Variants in CRPPA observed in about 807,000 individuals in gnomAD.
CRPPA encodes CDP-L-ribitol pyrophosphorylase A.
Under a neutral mutation model 52.0 loss-of-function variants are expected in CRPPA, and 43 were observed. That is an observed-to-expected ratio of 0.83 (90% CI 0.65 to 1.07). The LOEUF is 1.07. Ranked by LOEUF, CRPPA falls within the 50% of genes least tolerant of loss-of-function variation. CRPPA has a pLI of 0.00. For missense variants in CRPPA, 629 were observed against 551.7 expected (o/e 1.14, Z -1.40); for synonymous variants, 250 against 203.5 (o/e 1.23, Z -1.94).
At chr7:16,258,367 A>G in intron 8 of CRPPA, 23 bp downstream of exon 8, 2 of 1,449,944 alleles carry the variant, frequency 1.4e-6, no homozygotes, top group Non-Finnish European at 1.9e-6. Flanking sequence ...AGTTTGAGAA[A>G]AATCTGCATT....
intron 9 of CRPPA, among the ~76,000 whole-genome samples, chr7:16,149,324 C>T (rs573517118): frequency 1.3e-5 from 2 of 152,248 alleles, no homozygotes; most frequent in Non-Finnish European, 2.9e-5. Context: ...ATAGTGAGGA[C>T]GTTGAAACAT....
At chr7:16,179,301 C>G (rs1781365305) in intron 9 of CRPPA, among the ~76,000 whole-genome samples, 1 of 151,968 alleles carries the variant, frequency 6.6e-6, no homozygotes, top group South Asian at 2.1e-4. Context: ...AAATGATAGA[C>G]AAAATAAAGC....
chr7:16,114,116 T>A (rs1322357075), intron 9 of CRPPA, among the ~76,000 whole-genome samples: 1 of 151,716 alleles, frequency 6.6e-6, no homozygotes, highest in African/African-American at 2.4e-5. Flanking sequence ...TTCAAATAAA[T>A]GGGCAAAGAA....
At chr7:16,405,623 T>G (rs1787934552) in intron 2 of CRPPA, among the ~76,000 whole-genome samples, 2 of 152,306 alleles carry the variant, frequency 1.3e-5, no homozygotes, top group East Asian at 3.9e-4. Context: ...AATTGTCATC[T>G]CAAGATGATT....
chr7:16,407,213 G>C (rs2128318630), intron 1 of CRPPA, among the ~76,000 whole-genome samples: 1 of 152,102 alleles, frequency 6.6e-6, no homozygotes, highest in East Asian at 1.9e-4. Flanking sequence ...CCTGACCTCA[G>C]GTGACCCACC....
intron 8 of CRPPA, among the ~76,000 whole-genome samples, chr7:16,232,783 T>C (rs944279708): frequency 6.6e-6 from 1 of 152,084 alleles, no homozygotes; most frequent in African/African-American, 2.4e-5. Context: ...TACAAAAACA[T>C]CCATCACCTA....
intron 9 of CRPPA, among the ~76,000 whole-genome samples, chr7:16,119,378 GA>G (rs35959635): frequency 2.2e-5 from 3 of 138,850 alleles, no homozygotes; most frequent in South Asian, 2.3e-4. Context: ...CTAAAAATCT[GA>G]AAAAAAAATT....
chr7:16,139,569 T>G (rs1005398059), intron 9 of CRPPA, among the ~76,000 whole-genome samples: 2 of 152,196 alleles, frequency 1.3e-5, no homozygotes, highest in Non-Finnish European at 2.9e-5. Flanking sequence ...TGATTAATTT[T>G]AATGTTAAAA....
intron 8 of CRPPA, among the ~76,000 whole-genome samples, chr7:16,216,985 G>T (rs1479648525): frequency 6.6e-6 from 1 of 152,070 alleles, no homozygotes; most frequent in African/African-American, 2.4e-5. Context: ...ACCTCTGGGG[G>T]CAGGGCACAG....
intron 1 of CRPPA, among the ~76,000 whole-genome samples, chr7:16,418,568 G>A (rs939017388): frequency 1.3e-5 from 2 of 152,134 alleles, no homozygotes; most frequent in Non-Finnish European, 2.9e-5. Flanking sequence ...GAAGGGAAAG[G>A]AAGGTGCCTT....
At chr7:16,273,901 C>A (rs1784147844) in intron 6 of CRPPA, among the ~76,000 whole-genome samples, 1 of 152,188 alleles carries the variant, frequency 6.6e-6, no homozygotes, top group African/African-American at 2.4e-5. Flanking sequence ...CACCTGCATG[C>A]TCCCTGTCCC....
chr7:16,250,492 C>T (rs1386304735), intron 8 of CRPPA, among the ~76,000 whole-genome samples: 1 of 152,130 alleles, frequency 6.6e-6, no homozygotes, highest in South Asian at 2.1e-4. Flanking sequence ...AGGTTACCCA[C>T]AAAGGGAAGC....
chr7:16,167,532 T>C (rs1023333043), intron 9 of CRPPA, among the ~76,000 whole-genome samples: 6 of 152,196 alleles, frequency 3.9e-5, no homozygotes, highest in Non-Finnish European at 8.8e-5. Flanking sequence ...AATTGCCAGG[T>C]CCATTTCTTA....
chr7:16,176,529 TG>T (rs1583409577), intron 9 of CRPPA, among the ~76,000 whole-genome samples: 2 of 152,294 alleles, frequency 1.3e-5, no homozygotes, highest in East Asian at 3.9e-4. Flanking sequence ...TAAGTGCTAT[TG>T]TAGGCATGAA....
At chr7:16,298,022 G>T (rs372427656) in intron 5 of CRPPA, among the ~76,000 whole-genome samples, 9 of 152,212 alleles carry the variant, frequency 5.9e-5, no homozygotes, top group African/African-American at 1.9e-4. Context: ...CTCATAGTAT[G>T]CTATATGCTC....
At chr7:16,284,766 A>G (rs1784389459) in intron 5 of CRPPA, among the ~76,000 whole-genome samples, 1 of 152,124 alleles carries the variant, frequency 6.6e-6, no homozygotes, top group African/African-American at 2.4e-5. Flanking sequence ...ATTTTATGCA[A>G]TTGCTACTGA....
rs764542382 is a variant in CRPPA, at chr7:16,406,234, C to A, written c.361G>T (p.Glu121Ter). ...GACCTGTGGCGGGTCACTCCAGCTT[C>A]GACCAGTGAGATGCGTTTATGCTGA... ...KYQHKRISLV[E>*]AGVTRHRSIF... Residue 121 changes from glutamate (E) to a stop codon, truncating the protein, a stop_gained, in exon 2 of 10, where the codon GAA becomes TAA. Coordinates refer to ENST00000407010, the MANE Select transcript of CRPPA (RefSeq NM_001101426.4). LOFTEE classifies it high-confidence loss of function. 6.2e-7 allele frequency: 1 copy of A among 1,613,966 alleles called. No homozygotes were observed. Among genetic ancestry groups the A allele is most frequent in the Non-Finnish European group, 8.5e-7 (1 of 1,179,884 alleles).
intron 9 of CRPPA, among the ~76,000 whole-genome samples, chr7:16,183,978 G>A (rs928061593): frequency 2.6e-5 from 4 of 152,004 alleles, no homozygotes; most frequent in Admixed American, 6.6e-5. Flanking sequence ...GTTTTGCTCT[G>A]TCATCCAGGC....
At chr7:16,215,709 T>C (rs1010009691) in intron 9 of CRPPA, among the ~76,000 whole-genome samples, 1 of 152,188 alleles carries the variant, frequency 6.6e-6, no homozygotes, top group South Asian at 2.1e-4. Flanking sequence ...AAGAATTTTA[T>C]TAGATTTGAA....
Sources: gnomAD v4.1 joint callset for allele counts (sites outside exome capture counted in the v4.1 genomes callset) on GRCh38, gnomAD v4.1.1 for gene constraint, MANE v1.5 for transcripts, NCBI Gene and HGNC (gene_info 2026-07-23, HGNC 2026-07-21) for gene names.